Variants in ACSL4 observed in about 807,000 individuals in gnomAD.
ACSL4 encodes acyl-CoA synthetase long chain family member 4, also known as long-chain-fatty-acid--CoA ligase 4.
Under a neutral mutation model 49.1 loss-of-function variants are expected in ACSL4, and 9 were observed. The ratio of observed to expected loss-of-function variants is 0.18; its 90% CI spans 0.11 to 0.32. ACSL4 has a LOEUF of 0.32. Among genes scored for constraint, ACSL4 ranks in the 10% least tolerant of loss-of-function variants. The pLI, the probability that ACSL4 is intolerant of heterozygous loss-of-function variation, is 1.00. For missense variants in ACSL4, 333 were observed against 493.7 expected, an observed-to-expected ratio of 0.67 and a Z score of 3.08; for synonymous variants, 191 against 170.3, an observed-to-expected ratio of 1.12 and a Z score of -0.95.
At chrX:109,716,617 C>T (rs1450277728) in intron 1 of ACSL4, among the ~76,000 whole-genome samples, 1 of 112,261 alleles carries the variant, frequency 8.9e-6, no homozygotes, top group African/African-American at 3.2e-5. Context: ...GGGTTAGTTC[C>T]ACTGTGGAAC....
chrX:109,667,613 C>T (rs966777370), intron 11 of ACSL4, among the ~76,000 whole-genome samples: 78 of 111,991 alleles, frequency 7.0e-4, no homozygotes, highest in African/African-American at 2.3e-3. Context: ...ATTTATAAGG[C>T]GACCGGGCGT....
In ACSL4 at chrX:109,683,338, G is replaced by A. The variant is rs746437555; in HGVS notation, c.26C>T (p.Pro9Leu). The change falls in exon 3 of 16, where the codon CCC (proline) becomes CTC (leucine). Residue 9 changes from proline to leucine, a missense_variant. Physicochemically the swap from Pro to Leu is moderately conservative, Grantham distance 98 (BLOSUM62 -3). Around this residue, in one of 3 missense-constraint regions of ACSL4, gnomAD observed 157 missense variants for 201.1 expected, o/e 0.78. Transcript: ENST00000672401. ...TGGACTTCCAGGTTTGTCTGAAGTGGGCTTAGCTTTTATTCTCTTTGCCAT... is the reference window on the plus strand; with the variant it reads ...TGGACTTCCAGGTTTGTCTGAAGTGAGCTTAGCTTTTATTCTCTTTGCCAT... MAKRIKAK[P>L]TSDKPGSPYR... The A allele has an allele frequency of 8.3e-7, 1 of 1,211,692 alleles. No individual in the cohort carries two copies. The highest frequency in any genetic ancestry group is 1.8e-5 in the South Asian group (1 of 57,016).
intron 6 of ACSL4, 50 bp downstream of exon 6, chrX:109,680,948 A>G: frequency 1.7e-6 from 2 of 1,177,797 alleles, no homozygotes; most frequent in Non-Finnish European, 1.2e-6. Context: ...ACCTACCAAA[A>G]TAACAAACTT....
intron 1 of ACSL4, among the ~76,000 whole-genome samples, chrX:109,713,407 T>C (rs1281239545): frequency 2.7e-5 from 3 of 112,042 alleles, no homozygotes; most frequent in African/African-American, 6.5e-5. Flanking sequence ...TTTGTCAACA[T>C]TGTTGCTTAG....
chrX:109,643,633 T>C lies in ACSL4; in HGVS notation c.*396A>G, dbSNP rs911625706. 7 of 147,229 alleles carry C rather than the reference T, an allele frequency of 4.8e-5. No individual in the cohort carries two copies. The highest frequency in any genetic ancestry group is 2.2e-4 in the African/African-American group (7 of 31,832). The allele number at this position is 147,229 out of a possible 1,213,427, so 12.1% of individuals were successfully genotyped here. ...TACATATTTTCTGTCATGCTTAATA[T>C]TTAAACTTCTGAAATAGGAAGACAA... On this transcript the variant is annotated 3_prime_UTR_variant, in exon 16 of 16. Coordinates refer to ENST00000672401, the MANE Select transcript of ACSL4 (RefSeq NM_001318510.2).
In ACSL4 at chrX:109,668,237, C is replaced by T; in HGVS notation, c.1179G>A (p.Gly393=). 4 of 1,206,872 alleles carry T rather than the reference C, an allele frequency of 3.3e-6. No homozygotes were observed. Among genetic ancestry groups the T allele is most frequent in the Non-Finnish European group, 4.5e-6 (4 of 892,566 alleles). ...CTCCAGACAGCATCATGCGGACATT[C>T]CCTCCCAGCAGGGCCTTGACCTTTT... ...LFKKVKALLG[G]NVRMMLSGGA... is the part of the protein sequence containing the mutation. The change falls in exon 11 of 16, where the codon GGG becomes GGA. Residue 393 remains glycine, a synonymous_variant. Coordinates refer to ENST00000672401, the MANE Select transcript of ACSL4 (RefSeq NM_001318510.2).
At chrX:109,667,150 G>C (rs1922720075) in intron 11 of ACSL4, among the ~76,000 whole-genome samples, 1 of 112,497 alleles carries the variant, frequency 8.9e-6, no homozygotes, top group Non-Finnish European at 1.9e-5. Flanking sequence ...TAATGGCATT[G>C]ATTTTGGACA....
At chrX:109,650,330 G>T (rs1425052220) in intron 15 of ACSL4, among the ~76,000 whole-genome samples, 5 of 109,323 alleles carry the variant, frequency 4.6e-5, no homozygotes, top group Non-Finnish European at 7.6e-5. Flanking sequence ...ATATACACCA[G>T]GGAATACTAT....
chrX:109,694,327 A>G (rs1880462476), intron 2 of ACSL4, among the ~76,000 whole-genome samples: 1 of 112,498 alleles, frequency 8.9e-6, no homozygotes. Context: ...CAATTTTCAG[A>G]AGACCAGAAG....
chrX:109,731,233 ATG>A (rs1283617194), intron 1 of ACSL4, among the ~76,000 whole-genome samples: 2 of 110,686 alleles, frequency 1.8e-5, no homozygotes, highest in African/African-American at 3.3e-5. Context: ...ATTGCATTAT[ATG>A]TGTGTGTGTA....
chrX:109,648,665 T>C (rs1934855689), intron 15 of ACSL4, among the ~76,000 whole-genome samples: 2 of 110,566 alleles, frequency 1.8e-5, no homozygotes, highest in South Asian at 7.7e-4. Context: ...GTGTTGGAAG[T>C]TCTGGCCAGG....
chrX:109,687,220 T>A (rs1924684197), intron 2 of ACSL4, among the ~76,000 whole-genome samples: 1 of 112,331 alleles, frequency 8.9e-6, no homozygotes, highest in African/African-American at 3.2e-5. Context: ...ATTGATAAAT[T>A]CATTTCAAAA....
chrX:109,668,154 A>G lies in ACSL4; in HGVS notation c.1262T>C (p.Ile421Thr). Residue 421 changes from isoleucine (I) to threonine (T), a missense_variant, in exon 11 of 16, where the codon ATT becomes ACT. Transcript: ENST00000672401. ...RFMNVCFCCP[I>T]GQGYGLTESC... ...TTCTGTCAGTCCATAACCCTGGCCA[A>G]TTGGGCAGCAGAAGCAGACATTCAT... 1 of 1,209,890 alleles carries G rather than the reference A, an allele frequency of 8.3e-7. No homozygotes were observed.
chrX:109,728,948 C>T (rs997442496), intron 1 of ACSL4, among the ~76,000 whole-genome samples: 1 of 110,873 alleles, frequency 9.0e-6, no homozygotes, highest in Non-Finnish European at 1.9e-5. Context: ...CGGTGGCTCA[C>T]GCCTGTAATC....
At chrX:109,652,593 T>A (rs1327136489) in intron 15 of ACSL4, among the ~76,000 whole-genome samples, 1 of 111,786 alleles carries the variant, frequency 8.9e-6, no homozygotes, top group Admixed American at 9.6e-5. Context: ...GTTGAAATAC[T>A]ATATATTTCT....
At chrX:109,731,358 T>C (rs970447100) in intron 1 of ACSL4, among the ~76,000 whole-genome samples, 2 of 110,295 alleles carry the variant, frequency 1.8e-5, no homozygotes, top group African/African-American at 3.3e-5. Flanking sequence ...AAGACACTTA[T>C]TTTACAGATG....
rs1183275285 is a variant in ACSL4 at position 109,669,049 on chromosome X, G to A, written c.1127C>T (p.Ala376Val). The A allele has an allele frequency of 2.5e-6, 3 of 1,202,533 alleles. No homozygotes were observed. The highest frequency in any genetic ancestry group is 2.2e-5 in the Admixed American group (1 of 45,595). The change falls in exon 10 of 16, where the codon GCA becomes GTA. Residue 376 changes from alanine to valine, a missense_variant. By Grantham distance (64) the Ala-to-Val change is moderately conservative. Coordinates refer to ENST00000672401, the MANE Select transcript of ACSL4 (RefSeq NM_001318510.2). ...KLEQIKKGYD[A>V]PLCNLLLFKK... ...ATGTACTTACAGATTGCAAAGAGGT[G>A]CATCATATCCCTTTTTGATCTGTTC...
intron 1 of ACSL4, among the ~76,000 whole-genome samples, chrX:109,712,224 G>A (rs942710659): frequency 9.0e-6 from 1 of 111,441 alleles, no homozygotes; most frequent in Admixed American, 9.5e-5. Flanking sequence ...TCAGCCTCCT[G>A]AGTAGCTGGG....
chrX:109,670,365 T>C (rs1243844015), intron 9 of ACSL4, among the ~76,000 whole-genome samples: 1 of 109,912 alleles, frequency 9.1e-6, no homozygotes, highest in Non-Finnish European at 1.9e-5. Context: ...GGTGGGTGGA[T>C]TGCGAGGTCA....
Sources: gnomAD v4.1 joint callset for allele counts (sites outside exome capture counted in the v4.1 genomes callset) on GRCh38, gnomAD v4.1.1 for gene constraint, gnomAD v4.1.1 regional missense constraint, MANE v1.5 for transcripts, NCBI Gene and HGNC (gene_info 2026-07-23, HGNC 2026-07-21) for gene names.